KRT73: variants seen among roughly 807,000 people sequenced by gnomAD.
KRT73 encodes the protein keratin, type II cytoskeletal 73.
Under a neutral mutation model 47.2 loss-of-function variants are expected in KRT73, and 44 were observed. That is an observed-to-expected ratio of 0.93 (90% CI 0.73 to 1.20). The LOEUF is 1.20. Ranked by LOEUF, KRT73 falls within the 50% of genes most tolerant of loss-of-function variation. The pLI is 0.00. For synonymous variants in KRT73, 285 were observed against 291.3 expected (o/e 0.98, Z 0.22); for missense variants, 713 against 704.5 (o/e 1.01, Z -0.14).
At chr12:52,610,533 C>CCT in intron 7 of KRT73, 82 bp downstream of exon 7, 1 of 183,894 alleles carries the variant, frequency 5.4e-6, no homozygotes, top group Non-Finnish European at 1.1e-5. Flanking sequence ...CTCGCCGCCC[C>CCT]CTCCCCCCCG....
intron 3 of KRT73, 122 bp from the exon 4 acceptor site, chr12:52,614,796 A>C: frequency 1.4e-6 from 1 of 727,718 alleles, no homozygotes. Flanking sequence ...TCCAAGGGGC[A>C]GGAACCGGCC....
rs375410525 is a variant in KRT73, at chr12:52,609,290, G to C, written c.1332-9C>G. ...TATATTCTCCGGACATCCTGCAAGA[G>C]AGAAAAGCACAGGAGAGTCTGAATC... On this transcript the variant is annotated splice_polypyrimidine_tract_variant and intron_variant, in intron 7 of 8. Coordinates refer to ENST00000305748, the MANE Select transcript of KRT73 (RefSeq NM_175068.3). 1.9e-4 allele frequency: 301 copies of C among 1,612,904 alleles called. No homozygotes were observed. The highest frequency in any genetic ancestry group is 2.4e-4 in the Non-Finnish European group (282 of 1,179,080).
chr12:52,621,875 T>C (rs1483639232), upstream of KRT73, among the ~76,000 whole-genome samples: 1 of 151,952 alleles, frequency 6.6e-6, no homozygotes, highest in Admixed American at 6.6e-5. Context: ...CGGGATTCCA[T>C]CCCCACCAGG....
chr12:52,611,817 C>A (rs1490608051), intron 5 of KRT73, among the ~76,000 whole-genome samples: 1 of 152,144 alleles, frequency 6.6e-6, no homozygotes, highest in Non-Finnish European at 1.5e-5. Flanking sequence ...AACCCTCCCC[C>A]ATCCATCCTC....
chr12:52,629,636 C>T, the KRT73 span, among the ~76,000 whole-genome samples: 1 of 152,196 alleles, frequency 6.6e-6, no homozygotes, highest in Admixed American at 6.5e-5. Context: ...ACAGCAAATC[C>T]ACCCCCACCT....
upstream of KRT73, among the ~76,000 whole-genome samples, chr12:52,621,000 C>A (rs932296295): frequency 5.3e-5 from 8 of 152,216 alleles, no homozygotes; most frequent in African/African-American, 1.9e-4. Context: ...GCAAAGGACT[C>A]TCAGGCAGTC....
In KRT73 at chr12:52,608,187, G is replaced by A; in HGVS notation, c.*9C>T. The A allele has an allele frequency of 1.9e-6, 3 of 1,606,868 alleles. No homozygotes were observed. The highest frequency in any genetic ancestry group is 2.2e-5 in the East Asian group (1 of 44,788). On this transcript the variant is annotated 3_prime_UTR_variant, in exon 9 of 9. Coordinates refer to ENST00000305748, the MANE Select transcript of KRT73 (RefSeq NM_175068.3). Reference sequence around the variant, plus strand: ...GGCAGACTACTGGGAAATGGGCTGTGTTGCACTTTTATCTCATGGTTTTTT... The same window carrying A: ...GGCAGACTACTGGGAAATGGGCTGTATTGCACTTTTATCTCATGGTTTTTT...
At chr12:52,622,753 T>C (rs1299148607), upstream of KRT73, among the ~76,000 whole-genome samples, 1 of 152,322 alleles carries the variant, frequency 6.6e-6, no homozygotes, top group South Asian at 2.1e-4. Flanking sequence ...CATCACTGAA[T>C]TGCGATCAGA....
At chr12:52,615,400 A>C in intron 2 of KRT73, 61 bp from the exon 3 acceptor site, 56 of 1,364,652 alleles carry the variant, frequency 4.1e-5, no homozygotes, top group Non-Finnish European at 5.4e-5. Flanking sequence ...ATACGTTCTC[A>C]TAGTGAAATG....
upstream of KRT73, among the ~76,000 whole-genome samples, chr12:52,620,115 T>TTTC (rs1940878443): frequency 6.9e-6 from 1 of 143,968 alleles, no homozygotes; most frequent in African/African-American, 2.6e-5. Context: ...TTTTCTTTTT[T>TTTC]TTTTTTTTTT....
rs1212718628 is a variant in KRT73 at position 52,608,217 on chromosome 12, G to A, written c.1602C>T (p.Pro534=). 1.2e-6 allele frequency: 2 copies of A among 1,610,680 alleles called. No homozygotes were observed. The highest frequency in any genetic ancestry group is 1.7e-5 in the Admixed American group (1 of 59,268). Residue 534 remains proline, a synonymous_variant, in exon 9 of 9, where the codon CCC becomes CCT. Transcript: ENST00000305748. ...ACTTTTATCTCATGGTTTTTTTGGT[G>A]GGTGAGCTTAGAGCTAAGGTCTTTC... ...SQGKTLALSS[P]TKKTMR is the part of the protein sequence containing the mutation.
At chr12:52,611,506 TAA>T (rs1226073314) in intron 5 of KRT73, 177 bp from the exon 6 acceptor site, 1 of 662,454 alleles carries the variant, frequency 1.5e-6, no homozygotes, top group African/African-American at 1.8e-5. Context: ...TTGCTTGCCT[TAA>T]GCACAGCTGA....
Position 52,611,321 on chromosome 12 carries a change from C to A in KRT73, c.993G>T (p.Glu331Asp), listed in dbSNP as rs570216114. 4.3e-6 allele frequency: 7 copies of A among 1,614,136 alleles called. No homozygotes were observed. Among genetic ancestry groups the A allele is most frequent in the South Asian group, 2.2e-5 (2 of 91,056 alleles). The change falls in exon 6 of 9, where the codon GAG becomes GAT. Residue 331 changes from glutamate (E) to aspartate (D), a missense_variant. Coordinates refer to ENST00000305748, the MANE Select transcript of KRT73 (RefSeq NM_175068.3). The stretch of plus-strand genomic sequence containing the variant: ...CATGCCGGCCGGCTGCTAGCTGCAG[C>A]TCCTGGAACTAGAGGAAAAGGAACC... The part of the protein sequence containing the change: ...AEALYQTKFQ[E>D]LQLAAGRHGD...
At chr12:52,610,548 C>CCCCCCCCCCCCCCCGGA in intron 7 of KRT73, 67 bp downstream of exon 7, 1 of 987,978 alleles carries the variant, frequency 1.0e-6, no homozygotes, top group Non-Finnish European at 1.5e-6. Flanking sequence ...CCCCCGCCCC[C>CCCCCCCCCCCCCCCGGA]AACCACACTC....
At chr12:52,621,696 A>G (rs35898158), upstream of KRT73, among the ~76,000 whole-genome samples, 25,200 of 152,116 alleles carry the variant, frequency 0.17, 2,432 homozygotes, top group East Asian at 0.47. Flanking sequence ...GAGAATAATC[A>G]CTCTATTCCA....
chr12:52,616,470 A>C, intron 1 of KRT73, 90 bp from the exon 2 acceptor site: 1 of 1,501,354 alleles, frequency 6.7e-7, no homozygotes, highest in Non-Finnish European at 9.1e-7. Flanking sequence ...CTTATGCTAC[A>C]TTAGCTTTAA....
At chr12:52,611,423 C>A in intron 5 of KRT73, 94 bp from the exon 6 acceptor site, 1 of 1,518,390 alleles carries the variant, frequency 6.6e-7, no homozygotes, top group Non-Finnish European at 9.0e-7. Context: ...CAGAGCCTGG[C>A]AGAGGTGGGT....
chr12:52,616,752 C>T (rs1467588802), intron 1 of KRT73, among the ~76,000 whole-genome samples: 1 of 152,172 alleles, frequency 6.6e-6, no homozygotes, highest in Non-Finnish European at 1.5e-5. Flanking sequence ...TGCTAGCCTT[C>T]ACACTGTCAG....
chr12:52,615,648 A>T (rs1940799685), intron 2 of KRT73, among the ~76,000 whole-genome samples: 1 of 152,118 alleles, frequency 6.6e-6, no homozygotes, highest in Non-Finnish European at 1.5e-5. Flanking sequence ...CCTTTCAGCC[A>T]TGATTCTTGT....
Sources: gnomAD v4.1 joint callset for allele counts (sites outside exome capture counted in the v4.1 genomes callset) on GRCh38, gnomAD v4.1.1 for gene constraint, MANE v1.5 for transcripts, NCBI Gene and HGNC (gene_info 2026-07-23, HGNC 2026-07-21) for gene names.